Variants in RAP1GAP2 observed in about 807,000 individuals in gnomAD.
The protein encoded by RAP1GAP2 is rap1 GTPase-activating protein 2.
A neutral mutation model predicts 95.0 loss-of-function variants in RAP1GAP2; 27 were observed. The ratio of observed to expected loss-of-function variants is 0.28; its 90% CI spans 0.21 to 0.39. The LOEUF is 0.39. RAP1GAP2 is among the 10% of genes least tolerant of loss of function. The probability of loss-of-function intolerance (pLI) is 1.00; values close to 1 mark genes in which losing one functional copy is unlikely to be tolerated. For missense variants in RAP1GAP2, 771 were observed against 970.0 expected, an observed-to-expected ratio of 0.79 and a Z score of 2.72; for synonymous variants, 373 against 380.9, an observed-to-expected ratio of 0.98 and a Z score of 0.24.
intron 3 of RAP1GAP2, among the ~76,000 whole-genome samples, chr17:2,913,568 C>T (rs1056407595): frequency 2.0e-5 from 3 of 152,138 alleles, no homozygotes; most frequent in Admixed American, 1.3e-4. Flanking sequence ...GGATTACAGG[C>T]GTGAGCCACC....
chr17:2,843,557 G>A (rs979621764), intron 2 of RAP1GAP2, among the ~76,000 whole-genome samples: 2 of 150,956 alleles, frequency 1.3e-5, no homozygotes, highest in Non-Finnish European at 3.0e-5. Context: ...AAAGTGCTGG[G>A]ATTACAGGTG....
intron 2 of RAP1GAP2, among the ~76,000 whole-genome samples, chr17:2,884,013 C>T (rs1033432449): frequency 1.2e-4 from 18 of 152,336 alleles, no homozygotes; most frequent in East Asian, 5.8e-4. Context: ...CCTTCACCTC[C>T]GCCTCCTCTC....
chr17:2,818,714 C>A (rs2070148426), intron 2 of RAP1GAP2, among the ~76,000 whole-genome samples: 1 of 152,132 alleles, frequency 6.6e-6, no homozygotes, highest in African/African-American at 2.4e-5. Context: ...AGGGACATAC[C>A]TGACATCCTT....
exon 2 of RAP1GAP2, chr17:2,770,424 C>G: frequency 2.5e-6 from 1 of 398,728 alleles, no homozygotes; most frequent in South Asian, 1.3e-4. Context: ...CTCAGCCGGG[C>G]TGACCTCGAG....
At chr17:2,802,917 C>G (rs1213144077) in intron 2 of RAP1GAP2, among the ~76,000 whole-genome samples, 1 of 152,176 alleles carries the variant, frequency 6.6e-6, no homozygotes, top group African/African-American at 2.4e-5. Flanking sequence ...CTTCCCTTCT[C>G]TGGGCTTTAG....
rs547555863 is a variant in RAP1GAP2 at position 2,904,006 on chromosome 17, G to T, written c.81-1278G>T. Among the ~76,000 whole-genome samples, 1 of 152,324 alleles carries T rather than the reference G, an allele frequency of 6.6e-6. No individual in the cohort carries two copies. Among genetic ancestry groups the T allele is most frequent in the African/African-American group, 2.4e-5 (1 of 41,564 alleles). On this transcript the variant is annotated intron_variant, in intron 2 of 24. Transcript: ENST00000254695. The surrounding 1 kb of genome is among the most constrained non-coding windows in gnomAD (Gnocchi z 4.7). Reference sequence around the variant, plus strand: ...AGAGGGGCAGAAGGATTCTCTGGAGGTGGCAGTGGGGGTGCTTTGATCATT... The same window carrying T: ...AGAGGGGCAGAAGGATTCTCTGGAGTTGGCAGTGGGGGTGCTTTGATCATT...
At chr17:2,838,359 G>C (rs891078079) in intron 2 of RAP1GAP2, among the ~76,000 whole-genome samples, 1 of 152,028 alleles carries the variant, frequency 6.6e-6, no homozygotes. Context: ...CCAGTGGAGT[G>C]GTAGGTGTGG....
At chr17:2,815,296 C>G (rs1169237326) in intron 2 of RAP1GAP2, among the ~76,000 whole-genome samples, 3 of 152,072 alleles carry the variant, frequency 2.0e-5, no homozygotes, top group Non-Finnish European at 4.4e-5. Flanking sequence ...GGGCAGGCTG[C>G]GCAACCTCTC....
chr17:3,024,836 A>G (rs554326078), intron 19 of RAP1GAP2, among the ~76,000 whole-genome samples: 104 of 152,370 alleles, frequency 6.8e-4, no homozygotes, highest in African/African-American at 2.4e-3. Flanking sequence ...GATTCTATTT[A>G]CATGAATGTC....
chr17:2,944,321 A>G (rs1365103160), intron 3 of RAP1GAP2, among the ~76,000 whole-genome samples: 2 of 152,212 alleles, frequency 1.3e-5, no homozygotes, highest in Non-Finnish European at 2.9e-5. Flanking sequence ...AAAAACATTA[A>G]AAAGAGAACT....
intron 3 of RAP1GAP2, among the ~76,000 whole-genome samples, chr17:2,922,139 G>A (rs770284221): frequency 5.3e-5 from 8 of 152,194 alleles, no homozygotes; most frequent in Non-Finnish European, 1.0e-4. Context: ...GGCTCCAAGA[G>A]ACCCACTGTC....
chr17:2,950,429 G>T (rs1388183110), intron 3 of RAP1GAP2, among the ~76,000 whole-genome samples: 2 of 151,962 alleles, frequency 1.3e-5, no homozygotes, highest in Non-Finnish European at 2.9e-5. Context: ...TCTTGAAGCT[G>T]CTAGCCCACC....
chr17:3,029,833 T>C lies in RAP1GAP2; in HGVS notation c.2108-1089T>C, dbSNP rs1347126715. Among the ~76,000 whole-genome samples, 2 of 152,140 alleles carry C rather than the reference T, an allele frequency of 1.3e-5. No individual in the cohort carries two copies. The highest frequency in any genetic ancestry group is 4.8e-5 in the African/African-American group (2 of 41,500). On this transcript the variant is annotated intron_variant, in intron 22 of 24. Transcript: ENST00000254695. This position sits in a 1 kb window ranked among gnomAD's most constrained non-coding sequence, Gnocchi z 4.4. ...CACTTAACGGAATTTTATTATACGATGGATGTCAAACCCAGTGTACAAATA... is the reference window on the plus strand; with the variant it reads ...CACTTAACGGAATTTTATTATACGACGGATGTCAAACCCAGTGTACAAATA...
intron 1 of RAP1GAP2, among the ~76,000 whole-genome samples, chr17:2,787,770 T>G (rs2068823604): frequency 6.6e-6 from 1 of 152,154 alleles, no homozygotes; most frequent in African/African-American, 2.4e-5. Context: ...GGTTTCACCA[T>G]GTTGGCCAGG....
chr17:2,849,792 C>G (rs2071750077), intron 2 of RAP1GAP2, among the ~76,000 whole-genome samples: 1 of 152,208 alleles, frequency 6.6e-6, no homozygotes, highest in South Asian at 2.1e-4. Context: ...GACCCCTTCT[C>G]TGCCGTCAGA....
rs965740019 is a variant in RAP1GAP2 at position 2,857,105 on chromosome 17, C to T, written c.81-48179C>T. ...GTTACATTTGATGAGCTCTTCCTTC[C>T]ACCACCTCTCATCACAAGGTGGGGT... On this transcript the variant is annotated intron_variant, in intron 2 of 24. Coordinates refer to ENST00000254695, the MANE Select transcript of RAP1GAP2 (RefSeq NM_015085.5). This position sits in a 1 kb window ranked among gnomAD's most constrained non-coding sequence, Gnocchi z 4.0. Among the ~76,000 whole-genome samples the T allele has an allele frequency of 5.3e-5, 8 of 152,326 alleles. No individual in the cohort carries two copies. In the Middle Eastern group the frequency reaches 0.014, roughly 259 times the overall value.
chr17:2,800,662 G>A (rs2069250061), intron 2 of RAP1GAP2, 112 bp downstream of exon 2: 2 of 1,172,906 alleles, frequency 1.7e-6, no homozygotes, highest in South Asian at 1.3e-5. Context: ...GTGTTTGTCA[G>A]ATTCCAGTCC....
intron 1 of RAP1GAP2, among the ~76,000 whole-genome samples, chr17:2,765,492 C>T (rs1416130898): frequency 1.3e-5 from 2 of 152,120 alleles, no homozygotes; most frequent in Non-Finnish European, 2.9e-5. Context: ...GTAATCCCAG[C>T]ACTTTGAGAG....
At chr17:3,018,004 C>T (rs2046832231) in intron 17 of RAP1GAP2, 57 bp from the exon 18 acceptor site, 5 of 1,526,504 alleles carry the variant, frequency 3.3e-6, no homozygotes, top group East Asian at 2.5e-5. Context: ...ACGAGGAGGG[C>T]AGAGTCATCC....
Sources: allele counts gnomAD v4.1 joint callset (sites outside exome capture counted in the v4.1 genomes callset), GRCh38; gene constraint gnomAD v4.1.1; non-coding constraint Gnocchi (gnomAD v3.1); transcripts MANE v1.5; gene names NCBI Gene and HGNC (gene_info 2026-07-23, HGNC 2026-07-21).